Variants in TRPS1 observed in about 807,000 individuals in gnomAD.
TRPS1 encodes the protein transcriptional repressor GATA binding 1.
TRPS1 carries 6 observed loss-of-function variants against 101.2 expected under a neutral mutation model. The observed-to-expected ratio is 0.06, with a 90% confidence interval of 0.03 to 0.12. The LOEUF is 0.12. Ranked by LOEUF, TRPS1 falls within the 10% of genes least tolerant of loss-of-function variation. The pLI, the probability that TRPS1 is intolerant of heterozygous loss-of-function variation, is 1.00. For synonymous variants in TRPS1, 578 were observed against 589.8 expected (o/e 0.98, Z 0.29); for missense variants, 1,363 against 1,567.0 (o/e 0.87, Z 2.20).
chr8:115,604,876 G>C lies in TRPS1; in HGVS notation c.1093C>G (p.Gln365Glu). 1 of 1,614,050 alleles carries C rather than the reference G, an allele frequency of 6.2e-7. No homozygotes were observed. ...TTTGGGTGAGTCTGAAGAAAATGTTGTTCTAATTCGGTGGATGAGTTGCCC... is the reference window on the plus strand; with the variant it reads ...TTTGGGTGAGTCTGAAGAAAATGTTCTTCTAATTCGGTGGATGAGTTGCCC... Reference protein sequence around the residue: ...YMGNSSTELEQHFLQTHPNKI... With the variant: ...YMGNSSTELEEHFLQTHPNKI... Residue 365 changes from glutamine (Q) to glutamate (E), a missense_variant, in exon 4 of 7, where the codon CAA becomes GAA. Transcript: ENST00000395715. The surrounding 1 kb of genome is among the most constrained non-coding windows in gnomAD (Gnocchi z 4.1).
At chr8:115,465,841 T>A (rs1814303896) in intron 5 of TRPS1, among the ~76,000 whole-genome samples, 1 of 152,148 alleles carries the variant, frequency 6.6e-6, no homozygotes, top group Non-Finnish European at 1.5e-5. Flanking sequence ...CAATAACTTG[T>A]AAAATTAATT....
At chr8:115,433,875 T>C (rs986818716) in intron 5 of TRPS1, among the ~76,000 whole-genome samples, 1 of 152,172 alleles carries the variant, frequency 6.6e-6, no homozygotes, top group Middle Eastern at 3.2e-3. Context: ...ACAACTTTGT[T>C]TCCAGTGTCT....
intron 5 of TRPS1, among the ~76,000 whole-genome samples, chr8:115,491,701 G>A (rs1233682736): frequency 1.3e-5 from 2 of 152,032 alleles, no homozygotes; most frequent in Admixed American, 6.6e-5. Context: ...GAAAGAAAGA[G>A]AGAGAGAGAA....
intron 5 of TRPS1, among the ~76,000 whole-genome samples, chr8:115,472,690 G>C (rs192066157): frequency 6.6e-6 from 1 of 152,240 alleles, no homozygotes; most frequent in Non-Finnish European, 1.5e-5. Context: ...TCCAAACCAT[G>C]TCTTTGTGAC....
chr8:115,621,996 G>A (rs16887570), intron 2 of TRPS1, among the ~76,000 whole-genome samples: 12,618 of 151,820 alleles, frequency 0.083, 1,678 homozygotes, highest in African/African-American at 0.28. Flanking sequence ...AATGTTATTC[G>A]CCAAATACCT....
At chr8:115,584,287 T>C (rs1817517130) in intron 5 of TRPS1, among the ~76,000 whole-genome samples, 1 of 152,004 alleles carries the variant, frequency 6.6e-6, no homozygotes, top group Non-Finnish European at 1.5e-5. Flanking sequence ...ATAAATGTAT[T>C]AATATACTTG....
intron 5 of TRPS1, among the ~76,000 whole-genome samples, chr8:115,497,460 G>A (rs1490196207): frequency 2.0e-5 from 3 of 152,162 alleles, no homozygotes; most frequent in African/African-American, 7.2e-5. Context: ...TGGCTTGGGG[G>A]TTTGGGACCC....
chr8:115,592,293 A>G (rs1302353067), intron 4 of TRPS1, among the ~76,000 whole-genome samples: 5 of 152,188 alleles, frequency 3.3e-5, no homozygotes, highest in African/African-American at 1.2e-4. Flanking sequence ...ACCAGTACCC[A>G]TAAACTGTAT....
At chr8:115,454,921 T>A (rs546256350) in intron 5 of TRPS1, among the ~76,000 whole-genome samples, 23 of 152,332 alleles carry the variant, frequency 1.5e-4, no homozygotes, top group Admixed American at 3.3e-4. Flanking sequence ...GAGGTCTCTG[T>A]AAGCCTTAGG....
At chr8:115,526,084 T>C (rs1439005737) in intron 5 of TRPS1, among the ~76,000 whole-genome samples, 2 of 151,906 alleles carry the variant, frequency 1.3e-5, no homozygotes, top group Non-Finnish European at 2.9e-5. Flanking sequence ...ACATGTAAAA[T>C]GATTAAGAAC....
chr8:115,535,094 G>A (rs566533408), intron 5 of TRPS1, among the ~76,000 whole-genome samples: 52 of 145,330 alleles, frequency 3.6e-4, no homozygotes, highest in Admixed American at 2.4e-3. Context: ...CATATATATC[G>A]CATATGTATA....
rs1491480487 is a variant in TRPS1, at chr8:115,442,579, GTA to G, written c.2701-24129_2701-24128del. 2.0e-3 allele frequency among the ~76,000 whole-genome samples: 301 copies of G among 149,636 alleles called. 1 individual carries two copies. The highest frequency in any genetic ancestry group is 3.3e-3 in the Non-Finnish European group (224 of 67,514). On this transcript the variant is annotated intron_variant, in intron 5 of 6. Transcript: ENST00000395715. The stretch of plus-strand genomic sequence containing the variant: ...TGTGTGTGTGTGTGTGTGTGTGTGT[GTA>G]TGTGTGTGTGCATGTGTGTGTTTGG...
intron 1 of TRPS1, among the ~76,000 whole-genome samples, chr8:115,652,536 C>A (rs1479440867): frequency 2.0e-5 from 3 of 152,116 alleles, no homozygotes; most frequent in African/African-American, 7.2e-5. Context: ...TAAAAAGTAG[C>A]CATTTGTTTT....
At chr8:115,426,765 T>C (rs1382892348) in intron 5 of TRPS1, among the ~76,000 whole-genome samples, 1 of 152,200 alleles carries the variant, frequency 6.6e-6, no homozygotes. Context: ...ATCCAAAGAT[T>C]TCCTGTGGAT....
At chr8:115,522,613 G>C in intron 5 of TRPS1, among the ~76,000 whole-genome samples, 1 of 151,924 alleles carries the variant, frequency 6.6e-6, no homozygotes. Flanking sequence ...AGCCTGAAAG[G>C]AAATAATGAA....
At chr8:115,420,391 C>T (rs992299602) in intron 5 of TRPS1, among the ~76,000 whole-genome samples, 1 of 152,194 alleles carries the variant, frequency 6.6e-6, no homozygotes, top group African/African-American at 2.4e-5. Flanking sequence ...TGAAACTTTC[C>T]TGGGGCTATC....
chr8:115,578,807 CA>C (rs893849646), intron 5 of TRPS1, among the ~76,000 whole-genome samples: 9 of 152,068 alleles, frequency 5.9e-5, no homozygotes, highest in Non-Finnish European at 1.0e-4. Flanking sequence ...AACTCTTTCG[CA>C]ATAAGCATGT....
intron 5 of TRPS1, among the ~76,000 whole-genome samples, chr8:115,488,438 C>A (rs192302830): frequency 2.0e-5 from 3 of 152,276 alleles, no homozygotes; most frequent in Admixed American, 6.5e-5. Context: ...CGCCTGTAAT[C>A]CCAGCCCTTT....
At chr8:115,433,565 G>A (rs1027268792) in intron 5 of TRPS1, among the ~76,000 whole-genome samples, 2 of 152,006 alleles carry the variant, frequency 1.3e-5, no homozygotes, top group South Asian at 2.1e-4. Flanking sequence ...GATTTCTACC[G>A]CTACTCAATT....
Sources: allele counts gnomAD v4.1 joint callset (sites outside exome capture counted in the v4.1 genomes callset), GRCh38; gene constraint gnomAD v4.1.1; non-coding constraint Gnocchi (gnomAD v3.1); transcripts MANE v1.5; gene names NCBI Gene and HGNC (gene_info 2026-07-23, HGNC 2026-07-21).